The following NEBL variants were observed in gnomAD, a reference collection of about 807,000 sequenced individuals.
NEBL encodes the protein LIM and SH3 protein 2.
A neutral mutation model predicts 140.2 loss-of-function variants in NEBL; 122 were observed. The observed-to-expected ratio is 0.87, with a 90% CI of 0.75 to 1.01. The LOEUF is 1.01. Ranked by LOEUF, NEBL falls within the 50% of genes least tolerant of loss-of-function variation. The pLI, the probability that NEBL is intolerant of heterozygous loss-of-function variation, is 0.00. For synonymous variants in NEBL, 436 were observed against 398.9 expected (o/e 1.09, Z -1.11); for missense variants, 1,365 against 1,231.3 (o/e 1.11, Z -1.62).
At chr10:20,869,643 A>T in intron 6 of NEBL, 97 bp downstream of exon 6, 1 of 798,480 alleles carries the variant, frequency 1.3e-6, no homozygotes, top group Admixed American at 1.8e-5. Flanking sequence ...TTGATTAGTT[A>T]CACTAATTAA....
At chr10:21,160,308 C>T (rs1840505170) in intron 2 of NEBL, among the ~76,000 whole-genome samples, 1 of 152,180 alleles carries the variant, frequency 6.6e-6, no homozygotes, top group Admixed American at 6.5e-5. Context: ...GGCCACTCAG[C>T]CCTGCAGGTA....
intron 2 of NEBL, among the ~76,000 whole-genome samples, chr10:21,117,643 T>C (rs538407843): frequency 6.6e-6 from 1 of 152,298 alleles, no homozygotes; most frequent in East Asian, 1.9e-4. Flanking sequence ...TCCTATATAT[T>C]GCCTAGTTAT....
At chr10:21,132,699 C>T (rs1839168084) in intron 2 of NEBL, among the ~76,000 whole-genome samples, 1 of 152,184 alleles carries the variant, frequency 6.6e-6, no homozygotes, top group South Asian at 2.1e-4. Context: ...TGAAGTGTCT[C>T]ATTGTGGTTT....
At chr10:21,014,525 G>A (rs191527814) in intron 3 of NEBL, among the ~76,000 whole-genome samples, 15 of 152,294 alleles carry the variant, frequency 9.8e-5, no homozygotes, top group African/African-American at 2.6e-4. Flanking sequence ...GACAGTCAAT[G>A]GAGTTCTTCA....
intron 1 of NEBL, among the ~76,000 whole-genome samples, chr10:21,291,504 T>TAAA (rs747203288): frequency 1.7e-5 from 2 of 116,624 alleles, no homozygotes; most frequent in Admixed American, 8.8e-5. Context: ...AGACTCTGTC[T>TAAA]AAAAAAAAAA....
intron 2 of NEBL, among the ~76,000 whole-genome samples, chr10:21,137,724 G>A (rs1215010588): frequency 6.6e-6 from 1 of 152,072 alleles, no homozygotes; most frequent in Non-Finnish European, 1.5e-5. Flanking sequence ...CTTCAGGCCA[G>A]CAGTTTGAAA....
chr10:21,102,771 A>C (rs1474044921), intron 2 of NEBL, among the ~76,000 whole-genome samples: 1 of 152,226 alleles, frequency 6.6e-6, no homozygotes, highest in East Asian at 1.9e-4. Flanking sequence ...GCTGCTATGC[A>C]TGTTTGTGTA....
intron 4 of NEBL, among the ~76,000 whole-genome samples, chr10:20,902,548 CACA>C (rs1240561958): frequency 6.6e-6 from 1 of 152,010 alleles, no homozygotes; most frequent in Non-Finnish European, 1.5e-5. Flanking sequence ...TAGTATGGGG[CACA>C]ACAATTTCCA....
In NEBL at chr10:20,781,033, A is replaced by G. The variant is rs930123640; in HGVS notation, c.*4714T>C. On this transcript the variant is annotated 3_prime_UTR_variant, in exon 28 of 28. Coordinates refer to ENST00000377122, the MANE Select transcript of NEBL (RefSeq NM_006393.3). ...GGAAATAATGTCTTATTACACATTA[A>G]CTGCGACATCCACTAAAATGTGAAC... 3.9e-5 allele frequency: 6 copies of G among 152,456 alleles called. No homozygotes were observed. Among genetic ancestry groups the G allele is most frequent in the African/African-American group, 1.4e-4 (6 of 41,462 alleles). 9.4% of individuals were successfully genotyped at this position (152,456 alleles called of 1,614,324 possible). A position where few individuals can be genotyped will look rare whatever the true frequency, so the allele number is the denominator to read the frequency against.
Position 21,189,113 on chromosome 10 carries a change from C to A in NEBL, n.349-16636G>T, listed in dbSNP as rs534937263. On this transcript the variant is annotated intron_variant and non_coding_transcript_variant, in intron 3 of 8. Coordinates refer to the NEBL transcript ENST00000675702. ...AATCCCCAACATTTATGGAATGGTA[C>A]CTTATTCATAAAAAGGGTCTCTGCA... Among the ~76,000 whole-genome samples the A allele has an allele frequency of 8.5e-5, 13 of 152,100 alleles. No homozygotes were observed. In the East Asian group the frequency reaches 1.9e-3, roughly 23 times the overall value.
chr10:21,127,634 G>A (rs142711691), intron 2 of NEBL, among the ~76,000 whole-genome samples: 109 of 152,164 alleles, frequency 7.2e-4, no homozygotes, highest in African/African-American at 1.9e-3. Context: ...ATGAAACATG[G>A]GGATAGAGGC....
At position 20,823,245 on chromosome 10, in the gene NEBL, A is replaced by G. The variant is rs745544997; in HGVS notation, c.1925T>C (p.Leu642Pro). 4 of 1,609,638 alleles carry G rather than the reference A, an allele frequency of 2.5e-6. No individual in the cohort carries two copies. In the African/African-American group the frequency reaches 5.3e-5, roughly 22 times the overall value. The change falls in exon 19 of 28, where the codon CTA becomes CCA. Residue 642 changes from leucine (L) to proline (P), a missense_variant. This residue lies in a region of NEBL where 1,323 missense variants were observed against 1,154.8 expected (regional missense o/e 1.15). Coordinates refer to ENST00000377122, the MANE Select transcript of NEBL (RefSeq NM_006393.3). ...CTTCTGGTTTTCTTTAACTCTCTTT[A>G]GTTCTGGAGGATCAGAAATGGCTGT... ...HATAISDPPE[L>P]KRVKENQKNI... is the part of the protein sequence containing the mutation.
chr10:20,992,851 CA>C (rs1463310869), intron 3 of NEBL, among the ~76,000 whole-genome samples: 1 of 128,402 alleles, frequency 7.8e-6, no homozygotes, highest in East Asian at 2.7e-4. Flanking sequence ...GATCTCTGCT[CA>C]CTGCAAGCTC....
chr10:20,877,137 G>A (rs1343277501), intron 5 of NEBL, among the ~76,000 whole-genome samples: 5 of 152,142 alleles, frequency 3.3e-5, no homozygotes, highest in African/African-American at 1.2e-4. Flanking sequence ...AGTAGAAGGA[G>A]GACGAAATAG....
chr10:20,803,997 A>C lies in NEBL; in HGVS notation c.2761+4513T>G, dbSNP rs148555761. On this transcript the variant is annotated intron_variant, in intron 26 of 27. Transcript: ENST00000377122. ...AAAATAATTATACTTATATATATTT[A>C]TGCATGTGGTCCTTGTTTTTAAAAT... Among the ~76,000 whole-genome samples, 129 of 151,878 alleles carry C rather than the reference A, an allele frequency of 8.5e-4. 1 individual carries two copies. In the East Asian group the frequency reaches 0.023, roughly 27 times the overall value.
At chr10:20,878,739 G>T (rs932576681) in intron 5 of NEBL, among the ~76,000 whole-genome samples, 1 of 152,156 alleles carries the variant, frequency 6.6e-6, no homozygotes, top group Non-Finnish European at 1.5e-5. Context: ...TGCATGCAAA[G>T]GTTGAGTCAA....
At chr10:21,177,277 T>A (rs1431378739), upstream of NEBL, among the ~76,000 whole-genome samples, 1 of 152,230 alleles carries the variant, frequency 6.6e-6, no homozygotes, top group Non-Finnish European at 1.5e-5. Flanking sequence ...GGGAGGTGAC[T>A]GTTTCTTTGA....
rs188656957 is a variant in NEBL at position 21,282,077 on chromosome 10, G to A, written n.182+10753C>T. 7.9e-4 allele frequency among the ~76,000 whole-genome samples: 120 copies of A among 152,234 alleles called. 1 individual carries two copies. Among genetic ancestry groups the A allele is most frequent in the South Asian group, 2.7e-3 (13 of 4,822 alleles). On this transcript the variant is annotated intron_variant and non_coding_transcript_variant, in intron 1 of 8. Transcript: ENST00000675702. Reference sequence around the variant, plus strand: ...ATAGATGCAAGTGTGGGATTTGTGCGTATGTGAGACTTTTGAAGGGAGAGG... The same window carrying A: ...ATAGATGCAAGTGTGGGATTTGTGCATATGTGAGACTTTTGAAGGGAGAGG...
At chr10:21,239,617 C>G (rs1289217982) in intron 3 of NEBL, among the ~76,000 whole-genome samples, 2 of 152,174 alleles carry the variant, frequency 1.3e-5, no homozygotes, top group South Asian at 4.1e-4. Flanking sequence ...ATCCCTCTCC[C>G]AAGTGCCAGA....
Sources: allele counts gnomAD v4.1 joint callset (sites outside exome capture counted in the v4.1 genomes callset), GRCh38; gene constraint gnomAD v4.1.1; regional missense constraint gnomAD v4.1.1; transcripts MANE v1.5; gene names NCBI Gene and HGNC (gene_info 2026-07-23, HGNC 2026-07-21).